Variants in CDH4 observed in about 807,000 individuals in gnomAD.
The protein encoded by CDH4 is cadherin-4.
A neutral mutation model predicts 86.0 loss-of-function variants in CDH4; 33 were observed. The observed-to-expected ratio is 0.38, with a 90% CI of 0.29 to 0.51. The LOEUF (loss-of-function observed/expected upper bound fraction) is 0.51, where lower values mean the gene tolerates loss of function less well. Ranked by LOEUF, CDH4 falls within the 20% of genes least tolerant of loss-of-function variation. The pLI, the probability that CDH4 is intolerant of heterozygous loss-of-function variation, is 0.86. For synonymous variants in CDH4, 555 were observed against 549.4 expected (o/e 1.01, Z -0.14); for missense variants, 1,114 against 1,307.4 (o/e 0.85, Z 2.28).
chr20:61,592,162 T>G (rs2086523556), intron 2 of CDH4, among the ~76,000 whole-genome samples: 1 of 151,974 alleles, frequency 6.6e-6, no homozygotes, highest in African/African-American at 2.4e-5. Flanking sequence ...AGCCATTTAC[T>G]TTGGTGTGAG....
intron 2 of CDH4, among the ~76,000 whole-genome samples, chr20:61,641,489 C>G (rs1003473628): frequency 6.6e-6 from 1 of 152,232 alleles, no homozygotes; most frequent in African/African-American, 2.4e-5. Context: ...ACTTTGCCAC[C>G]TCAGTTCATT....
intron 2 of CDH4, among the ~76,000 whole-genome samples, chr20:61,260,342 G>A (rs2427018): frequency 0.98 from 148,670 of 152,330 alleles, 72,644 homozygotes; most frequent in East Asian, 1. Context: ...ACTACTCCAC[G>A]CTGTCTTATG....
intron 4 of CDH4, among the ~76,000 whole-genome samples, chr20:61,799,911 GC>G (rs1979741294): frequency 1.3e-5 from 2 of 152,146 alleles, no homozygotes; most frequent in Admixed American, 1.3e-4. Context: ...CAGTGGCTCT[GC>G]CCCGCTCCCC....
chr20:61,647,652 C>G (rs2087079554), intron 2 of CDH4, among the ~76,000 whole-genome samples: 1 of 151,290 alleles, frequency 6.6e-6, no homozygotes, highest in Non-Finnish European at 1.5e-5. Flanking sequence ...CCCCACCAGG[C>G]TGATCCCCAT....
chr20:61,680,738 G>A (rs1198676917), intron 2 of CDH4, among the ~76,000 whole-genome samples: 1 of 152,146 alleles, frequency 6.6e-6, no homozygotes, highest in Non-Finnish European at 1.5e-5. Flanking sequence ...TTGGAGCGTT[G>A]ACTCTGTAGA....
Position 61,814,610 on chromosome 20 carries a change from C to T in CDH4, c.577-30058C>T, listed in dbSNP as rs191173108. Among the ~76,000 whole-genome samples the T allele has an allele frequency of 2.3e-3, 356 of 152,302 alleles. 1 individual carries two copies. The highest frequency in any genetic ancestry group is 7.1e-3 in the African/African-American group (296 of 41,568). The stretch of plus-strand genomic sequence containing the variant: ...TGCTTTGCAGCGATGTGGAAATGGA[C>T]CCCCGTTAAAGGAATAGATCCACTA... On this transcript the variant is annotated intron_variant, in intron 4 of 15. Coordinates refer to ENST00000614565, the MANE Select transcript of CDH4 (RefSeq NM_001794.5).
intron 2 of CDH4, among the ~76,000 whole-genome samples, chr20:61,696,420 C>A (rs564564592): frequency 1.3e-5 from 2 of 152,192 alleles, no homozygotes; most frequent in African/African-American, 4.8e-5. Flanking sequence ...TAGAGAGGGG[C>A]GGGAATGGAT....
At chr20:61,385,720 A>G (rs1005008932) in intron 2 of CDH4, among the ~76,000 whole-genome samples, 1 of 152,110 alleles carries the variant, frequency 6.6e-6, no homozygotes, top group Admixed American at 6.5e-5. Context: ...TCCCAGGCTC[A>G]GGATCGTCAC....
intron 2 of CDH4, among the ~76,000 whole-genome samples, chr20:61,275,549 C>A (rs1455836589): frequency 1.2e-5 from 1 of 84,574 alleles, no homozygotes; most frequent in Non-Finnish European, 2.2e-5. Context: ...GAGTACCCTG[C>A]GCAGTTTGGG....
chr20:61,355,825 T>A (rs1199958441), intron 2 of CDH4, among the ~76,000 whole-genome samples: 1 of 152,198 alleles, frequency 6.6e-6, no homozygotes, highest in African/African-American at 2.4e-5. Flanking sequence ...TCAGAAGGCC[T>A]GAGAAGCCTT....
intron 2 of CDH4, among the ~76,000 whole-genome samples, chr20:61,706,777 C>G (rs553929510): frequency 6.6e-6 from 1 of 152,188 alleles, no homozygotes; most frequent in African/African-American, 2.4e-5. Context: ...GGAACTGGCT[C>G]GGGCAGGACG....
chr20:61,475,711 G>A lies in CDH4; in HGVS notation c.169+220774G>A, dbSNP rs368435753. Among the ~76,000 whole-genome samples, 62 of 136,662 alleles carry A rather than the reference G, an allele frequency of 4.5e-4. 1 individual carries two copies. The highest frequency in any genetic ancestry group is 1.6e-3 in the African/African-American group (55 of 35,292). The allele number at this position is 136,662 out of a possible 152,430, so 89.7% of individuals were successfully genotyped here. A position where few individuals can be genotyped will look rare whatever the true frequency, so the allele number is the denominator to read the frequency against. The stretch of plus-strand genomic sequence containing the variant: ...CTCTTCTCCCTACCCCACAACTGTG[G>A]ACTCTGAGACATAGGATCTGAGCTT... On this transcript the variant is annotated intron_variant, in intron 2 of 15. Coordinates refer to ENST00000614565, the MANE Select transcript of CDH4 (RefSeq NM_001794.5).
chr20:61,565,286 G>C (rs2086277330), intron 2 of CDH4, among the ~76,000 whole-genome samples: 1 of 117,680 alleles, frequency 8.5e-6, no homozygotes, highest in African/African-American at 3.1e-5. Flanking sequence ...TGGTGATGGG[G>C]TGATGGTGGT....
rs1439905817 is a variant in CDH4, at chr20:61,938,794, C to G, written c.*1851C>G. ...CTCACGGCATGTTCCCGTTGGATGT[C>G]AGGGTCCTTGTCCAAACCAAACTCA... On this transcript the variant is annotated 3_prime_UTR_variant, in exon 16 of 16. Transcript: ENST00000614565. 1 of 152,436 alleles carries G rather than the reference C, an allele frequency of 6.6e-6. No individual in the cohort carries two copies. Among genetic ancestry groups the G allele is most frequent in the Non-Finnish European group, 1.5e-5 (1 of 68,182 alleles). 9.4% of individuals were successfully genotyped at this position (152,436 alleles called of 1,614,324 possible). A position where few individuals can be genotyped will look rare whatever the true frequency, so the allele number is the denominator to read the frequency against.
intron 5 of CDH4, among the ~76,000 whole-genome samples, chr20:61,850,344 G>A (rs1029972531): frequency 3.3e-5 from 5 of 152,224 alleles, no homozygotes; most frequent in East Asian, 1.9e-4. Context: ...CGCACGGTGC[G>A]TGTTGGCTGC....
chr20:61,341,765 A>G (rs1353869828), intron 2 of CDH4, among the ~76,000 whole-genome samples: 1 of 152,086 alleles, frequency 6.6e-6, no homozygotes, highest in Non-Finnish European at 1.5e-5. Context: ...TTGCATTTTT[A>G]TGACCATTTT....
At chr20:61,838,049 C>T (rs1289537749) in intron 4 of CDH4, among the ~76,000 whole-genome samples, 2 of 152,042 alleles carry the variant, frequency 1.3e-5, no homozygotes, top group African/African-American at 2.4e-5. Flanking sequence ...CTCTGGGTCT[C>T]GGGGTGGCCT....
intron 2 of CDH4, among the ~76,000 whole-genome samples, chr20:61,508,843 G>A (rs564745408): frequency 6.6e-6 from 1 of 152,342 alleles, no homozygotes; most frequent in East Asian, 1.9e-4. Context: ...TTGGAGCCCA[G>A]AGGGCAAGGA....
chr20:61,293,551 G>A (rs1206338152), intron 2 of CDH4, among the ~76,000 whole-genome samples: 1 of 152,190 alleles, frequency 6.6e-6, no homozygotes, highest in Non-Finnish European at 1.5e-5. Context: ...AGAAAGTCAA[G>A]TCCCAGCCCT....
Sources: allele counts gnomAD v4.1 joint callset (sites outside exome capture counted in the v4.1 genomes callset), GRCh38; gene constraint gnomAD v4.1.1; transcripts MANE v1.5; gene names NCBI Gene and HGNC (gene_info 2026-07-23, HGNC 2026-07-21).